PTK2: variants seen among roughly 807,000 people sequenced by gnomAD.
PTK2 encodes the protein protein tyrosine kinase 2, also known as focal adhesion kinase 1.
A neutral mutation model predicts 150.1 loss-of-function variants in PTK2; 45 were observed. The observed-to-expected ratio is 0.30, with a 90% CI of 0.24 to 0.38. PTK2 has a LOEUF of 0.38. Among genes scored for constraint, PTK2 ranks in the 10% least tolerant of loss-of-function variants. The probability of loss-of-function intolerance (pLI) is 1.00; values close to 1 mark genes in which losing one functional copy is unlikely to be tolerated. For missense variants in PTK2, 919 were observed against 1,307.3 expected, an observed-to-expected ratio of 0.70 and a Z score of 4.58; for synonymous variants, 432 against 449.2, an observed-to-expected ratio of 0.96 and a Z score of 0.48.
intron 22 of PTK2, among the ~76,000 whole-genome samples, chr8:140,725,490 C>T (rs1023437758): frequency 2.6e-5 from 4 of 152,126 alleles, no homozygotes; most frequent in African/African-American, 9.7e-5. Flanking sequence ...TGGGTGGGTC[C>T]CCACTTTTCA....
intron 1 of PTK2, among the ~76,000 whole-genome samples, chr8:140,930,457 A>G (rs2100171282): frequency 6.6e-6 from 1 of 152,202 alleles, no homozygotes; most frequent in Non-Finnish European, 1.5e-5. Flanking sequence ...TAAGGTAAAA[A>G]CATAGACAAC....
chr8:140,674,669 G>A (rs1015557867), intron 28 of PTK2, among the ~76,000 whole-genome samples: 2 of 152,160 alleles, frequency 1.3e-5, no homozygotes, highest in Non-Finnish European at 2.9e-5. Context: ...AACCCAGGAG[G>A]TGGAGGTTGC....
At chr8:140,818,415 T>A (rs2100106072) in intron 9 of PTK2, 61 bp from the exon 10 acceptor site, 1 of 1,433,798 alleles carries the variant, frequency 7.0e-7, no homozygotes, top group African/African-American at 1.4e-5. Context: ...ATACTTTAGA[T>A]AAAGAGCCGT....
Position 140,914,902 on chromosome 8 carries a change from G to A in PTK2, c.-33+10759C>T, listed in dbSNP as rs1044887997. On this transcript the variant is annotated intron_variant, in intron 2 of 31. Coordinates refer to ENST00000522684, the Ensembl canonical transcript of PTK2. ...CACAAAATTAGCCGGGCATAGTGGTGCATGCCTGTAATCCCAGCTACTCGG... is the reference window on the plus strand; with the variant it reads ...CACAAAATTAGCCGGGCATAGTGGTACATGCCTGTAATCCCAGCTACTCGG... Among the ~76,000 whole-genome samples, 23 of 151,856 alleles carry A rather than the reference G, an allele frequency of 1.5e-4. No homozygotes were observed. The East Asian group carries it at 4.1e-3, about 27-fold the overall frequency.
chr8:140,789,577 C>T (rs754683354), intron 13 of PTK2, 51 bp from the exon 14 acceptor site: 11 of 1,573,036 alleles, frequency 7.0e-6, no homozygotes, highest in Middle Eastern at 1.7e-4. Flanking sequence ...CCCAGGACCC[C>T]GCAACTCGGC....
At chr8:140,763,681 G>A (rs2154550161) in intron 15 of PTK2, among the ~76,000 whole-genome samples, 1 of 152,170 alleles carries the variant, frequency 6.6e-6, no homozygotes, top group Middle Eastern at 3.4e-3. Flanking sequence ...GGTCCTTTAA[G>A]AGTTCTGTTT....
intron 26 of PTK2, among the ~76,000 whole-genome samples, chr8:140,688,926 G>C (rs1166051142): frequency 2.0e-5 from 3 of 152,138 alleles, no homozygotes; most frequent in South Asian, 2.1e-4. Context: ...TGCAGTTGGC[G>C]ACTATGGCAG....
intron 29 of PTK2, chr8:140,674,028 T>G (rs1279239311): frequency 5.2e-6 from 3 of 575,192 alleles, no homozygotes; most frequent in Non-Finnish European, 1.0e-5. Context: ...CAGAGGAAGA[T>G]GTATGTAGAA....
At chr8:140,693,202 T>C (rs1383384195) in intron 26 of PTK2, among the ~76,000 whole-genome samples, 1 of 152,018 alleles carries the variant, frequency 6.6e-6, no homozygotes, top group East Asian at 1.9e-4. Flanking sequence ...GCTTTCAGAG[T>C]ATATTTGCAG....
At chr8:140,738,767 A>AAC (rs2100053994) in intron 21 of PTK2, among the ~76,000 whole-genome samples, 1 of 152,158 alleles carries the variant, frequency 6.6e-6, no homozygotes, top group African/African-American at 2.4e-5. Context: ...AGCAAAGGGG[A>AAC]ACAAAAAGGA....
intron 13 of PTK2, among the ~76,000 whole-genome samples, chr8:140,792,453 G>A (rs2154581088): frequency 6.6e-6 from 1 of 152,272 alleles, no homozygotes; most frequent in South Asian, 2.1e-4. Flanking sequence ...GGTTTTCCCT[G>A]GACTTCACCC....
rs565347204 is a variant in PTK2 at position 140,859,304 on chromosome 8, G to C, written c.450+5008C>G. ...AAGGGCAGTGTGTACAGTGAGGTGG[G>C]CCACAGGAACATGGGACAGGGAAGT... On this transcript the variant is annotated intron_variant, in intron 5 of 31. Transcript: ENST00000522684. 9.0e-4 allele frequency among the ~76,000 whole-genome samples: 137 copies of C among 152,280 alleles called. 2 individuals carry two copies. The highest frequency in any genetic ancestry group is 3.2e-3 in the African/African-American group (134 of 41,552).
chr8:140,971,864 A>G (rs1014220949), intron 1 of PTK2, among the ~76,000 whole-genome samples: 1 of 152,230 alleles, frequency 6.6e-6, no homozygotes, highest in African/African-American at 2.4e-5. Flanking sequence ...ATATTTCAAA[A>G]TCCATTTAAC....
In PTK2 at chr8:140,882,579, G is replaced by A. The variant is rs191668210; in HGVS notation, c.196-2942C>T. Among the ~76,000 whole-genome samples, 770 of 152,220 alleles carry A rather than the reference G, an allele frequency of 5.1e-3. 43 individuals carry two copies. Among genetic ancestry groups the A allele is most frequent in the Admixed American group, 0.045 (689 of 15,290 alleles). ...CAACTTTTCTGATTAAATTCTCATA[G>A]TAGACATTCATGGTAAAAGAATTCT... On this transcript the variant is annotated intron_variant, in intron 3 of 31. Transcript: ENST00000522684.
At chr8:140,686,912 G>A (rs752083043) in intron 26 of PTK2, 3 of 542,744 alleles carry the variant, frequency 5.5e-6, no homozygotes, top group East Asian at 3.3e-5. Context: ...TTACAGACTG[G>A]TACCTGCACT....
chr8:140,674,647 G>A (rs1056850003), intron 28 of PTK2, among the ~76,000 whole-genome samples: 3 of 152,142 alleles, frequency 2.0e-5, no homozygotes, highest in Non-Finnish European at 4.4e-5. Context: ...GCTGAGGCAG[G>A]AGAATCGCTT....
chr8:140,912,162 G>C (rs2100163429), intron 2 of PTK2, among the ~76,000 whole-genome samples: 1 of 151,940 alleles, frequency 6.6e-6, no homozygotes, highest in Admixed American at 6.6e-5. Flanking sequence ...AGGACTGCTT[G>C]AGCCCAGGAC....
chr8:140,820,108 TTTTTTTTTTTAA>T (rs2100107477), intron 8 of PTK2, among the ~76,000 whole-genome samples: 1 of 78,716 alleles, frequency 1.3e-5, no homozygotes, highest in Non-Finnish European at 2.3e-5. Flanking sequence ...TTTTTTTTTT[TTTTTTTTTTTAA>T]ATAGGGTCTC....
intron 23 of PTK2, among the ~76,000 whole-genome samples, chr8:140,709,796 C>T (rs1016781052): frequency 6.6e-6 from 1 of 152,046 alleles, no homozygotes; most frequent in Non-Finnish European, 1.5e-5. Flanking sequence ...GGAAGTTTTG[C>T]TGAAATTCTC....
Sources: allele counts gnomAD v4.1 joint callset (sites outside exome capture counted in the v4.1 genomes callset), GRCh38; gene constraint gnomAD v4.1.1; transcripts MANE v1.5; gene names NCBI Gene and HGNC (gene_info 2026-07-23, HGNC 2026-07-21).